The following SGCZ variants were observed in gnomAD, a reference collection of about 807,000 sequenced individuals.
SGCZ encodes sarcoglycan zeta.
In SGCZ, 40 loss-of-function variants were observed where a neutral mutation model predicts 41.3. That is an observed-to-expected ratio of 0.97 (90% CI 0.75 to 1.26). The LOEUF (loss-of-function observed/expected upper bound fraction) is 1.26. Ranked by LOEUF, SGCZ falls within the 50% of genes most tolerant of loss-of-function variation. SGCZ has a pLI of 0.00. For synonymous variants in SGCZ, 206 were observed against 137.5 expected (o/e 1.50, Z -3.49); for missense variants, 552 against 369.8 (o/e 1.49, Z -4.04).
chr8:14,551,490 TATATATA>T lies in SGCZ; in HGVS notation c.234+3235_234+3241del, dbSNP rs1803824627. 1.9e-3 allele frequency among the ~76,000 whole-genome samples: 5 copies of T among 2,670 alleles called. 1 individual carries two copies. Among genetic ancestry groups the T allele is most frequent in the Non-Finnish European group, 2.6e-3 (4 of 1,514 alleles). 1.8% of individuals were successfully genotyped at this position (2,670 alleles called of 152,430 possible). A position where few individuals can be genotyped will look rare whatever the true frequency, so the allele number is the denominator to read the frequency against. ...TATATATATTATATATTATATATATTATATATATTATATATATTATATATATTATATA... is the reference window on the plus strand; with the variant it reads ...TATATATATTATATATTATATATATTTTATATATATTATATATATTATATA... On this transcript the variant is annotated intron_variant, in intron 2 of 7. Coordinates refer to ENST00000382080, the MANE Select transcript of SGCZ (RefSeq NM_139167.4).
At chr8:14,487,666 C>A (rs73190208) in intron 2 of SGCZ, 1 of 123,482 alleles carries the variant, frequency 8.1e-6, no homozygotes, top group Non-Finnish European at 1.8e-5. Flanking sequence ...TATCTTACCC[C>A]AGAGAGAAAT....
chr8:14,964,277 G>C (rs528172607), intron 1 of SGCZ, among the ~76,000 whole-genome samples: 1 of 152,234 alleles, frequency 6.6e-6, no homozygotes, highest in East Asian at 1.9e-4. Flanking sequence ...GATAAAATCT[G>C]TTCTGTCATA....
At chr8:14,529,399 T>A (rs545693217) in intron 2 of SGCZ, among the ~76,000 whole-genome samples, 1 of 152,166 alleles carries the variant, frequency 6.6e-6, no homozygotes, top group Non-Finnish European at 1.5e-5. Flanking sequence ...GGGGCTGGCA[T>A]GCGTGATCAG....
intron 1 of SGCZ, among the ~76,000 whole-genome samples, chr8:14,969,014 C>T (rs548427879): frequency 3.9e-5 from 6 of 152,188 alleles, no homozygotes; most frequent in Non-Finnish European, 8.8e-5. Flanking sequence ...ACATTTACAT[C>T]ATTGTGCTAC....
chr8:14,576,657 C>T (rs2117245367), intron 1 of SGCZ, among the ~76,000 whole-genome samples: 1 of 152,306 alleles, frequency 6.6e-6, no homozygotes, highest in South Asian at 2.1e-4. Context: ...CTTTCATGCA[C>T]TTGCTCTTTA....
intron 1 of SGCZ, among the ~76,000 whole-genome samples, chr8:15,068,563 A>G (rs962946911): frequency 6.6e-6 from 1 of 152,208 alleles, no homozygotes; most frequent in African/African-American, 2.4e-5. Context: ...CCAAAAAAAT[A>G]TCAAACAGCT....
intron 2 of SGCZ, among the ~76,000 whole-genome samples, chr8:14,354,401 C>T (rs985428198): frequency 2.6e-4 from 40 of 151,772 alleles, no homozygotes; most frequent in African/African-American, 9.2e-4. Context: ...AATGATACCA[C>T]TTCGATGTGA....
chr8:14,178,990 T>A (rs189663575), intron 4 of SGCZ, among the ~76,000 whole-genome samples: 5 of 152,170 alleles, frequency 3.3e-5, no homozygotes, highest in East Asian at 1.9e-4. Flanking sequence ...GCAGACCTCA[T>A]TGAGCTAAAG....
chr8:14,692,685 A>T (rs1051325780), intron 1 of SGCZ, among the ~76,000 whole-genome samples: 5 of 152,202 alleles, frequency 3.3e-5, no homozygotes, highest in African/African-American at 7.2e-5. Context: ...GACCAACTGA[A>T]CATAACCTGC....
chr8:14,690,551 G>A (rs560304882), intron 1 of SGCZ: 1 of 152,112 alleles, frequency 6.6e-6, no homozygotes, highest in African/African-American at 2.4e-5. Flanking sequence ...TGAAAGCAAC[G>A]ACCAAGAATG....
intron 2 of SGCZ, among the ~76,000 whole-genome samples, chr8:14,534,295 G>T (rs920619291): frequency 1.3e-5 from 2 of 151,958 alleles, no homozygotes; most frequent in Non-Finnish European, 2.9e-5. Flanking sequence ...TTGGTGTTCA[G>T]TGAAAATGGT....
At chr8:15,232,247 G>A (rs950545532) in intron 1 of SGCZ, among the ~76,000 whole-genome samples, 1 of 152,154 alleles carries the variant, frequency 6.6e-6, no homozygotes, top group Non-Finnish European at 1.5e-5. Context: ...AAAAACAGAT[G>A]TGGATTTATT....
intron 2 of SGCZ, among the ~76,000 whole-genome samples, chr8:14,519,580 T>A (rs1033529335): frequency 1.3e-5 from 2 of 152,050 alleles, no homozygotes; most frequent in Non-Finnish European, 2.9e-5. Context: ...TATTAGAAAA[T>A]GTTAGTGATG....
intron 1 of SGCZ, among the ~76,000 whole-genome samples, chr8:15,188,217 A>G (rs17656165): frequency 0.042 from 6,453 of 152,128 alleles, 262 homozygotes; most frequent in East Asian, 0.18. Context: ...GTCAAATAAA[A>G]TAAATGCAAA....
chr8:14,781,033 C>T (rs142758044), intron 1 of SGCZ, among the ~76,000 whole-genome samples: 1 of 152,094 alleles, frequency 6.6e-6, no homozygotes. Flanking sequence ...TGTCATCATT[C>T]TATAAATATT....
At chr8:14,543,672 T>G (rs1268632160) in intron 2 of SGCZ, among the ~76,000 whole-genome samples, 1 of 152,184 alleles carries the variant, frequency 6.6e-6, no homozygotes, top group African/African-American at 2.4e-5. Context: ...TTGGCCATCT[T>G]AGTTAAGAAC....
At chr8:14,119,595 G>C (rs1008434216) in intron 5 of SGCZ, among the ~76,000 whole-genome samples, 1 of 152,142 alleles carries the variant, frequency 6.6e-6, no homozygotes, top group African/African-American at 2.4e-5. Context: ...CCAATACTAT[G>C]TTGAATAGGA....
chr8:14,751,886 C>T (rs1414738927), intron 1 of SGCZ, among the ~76,000 whole-genome samples: 2 of 151,110 alleles, frequency 1.3e-5, no homozygotes, highest in Admixed American at 1.3e-4. Flanking sequence ...GAGCCAAAAT[C>T]GCGCCACTGC....
intron 1 of SGCZ, among the ~76,000 whole-genome samples, chr8:14,595,655 A>G (rs2117297578): frequency 6.6e-6 from 1 of 152,258 alleles, no homozygotes; most frequent in Non-Finnish European, 1.5e-5. Context: ...GAGGGCATCA[A>G]AATGCTTCAC....
Sources: allele counts gnomAD v4.1 joint callset (sites outside exome capture counted in the v4.1 genomes callset), GRCh38; gene constraint gnomAD v4.1.1; transcripts MANE v1.5; gene names NCBI Gene and HGNC (gene_info 2026-07-23, HGNC 2026-07-21).